QKI: variants seen among roughly 807,000 people sequenced by gnomAD.
QKI encodes QKI, KH domain containing RNA binding.
A neutral mutation model predicts 39.0 loss-of-function variants in QKI; 10 were observed. That is an observed-to-expected ratio of 0.26 (90% confidence interval 0.16 to 0.43). The LOEUF (loss-of-function observed/expected upper bound fraction) is 0.43, where lower values mean the gene tolerates loss of function less well. QKI is among the 20% of genes least tolerant of loss of function. The pLI, the probability that QKI is intolerant of heterozygous loss-of-function variation, is 1.00. For synonymous variants in QKI, 204 were observed against 155.4 expected, an observed-to-expected ratio of 1.31 and a Z score of -2.33; for missense variants, 218 against 428.0, an observed-to-expected ratio of 0.51 and a Z score of 4.33.
At chr6:163,536,306 G>A (rs1425271859) in intron 4 of QKI, among the ~76,000 whole-genome samples, 1 of 151,936 alleles carries the variant, frequency 6.6e-6, no homozygotes, top group African/African-American at 2.4e-5. Context: ...AAGTATACTG[G>A]GCAATTAGTG....
intron 4 of QKI, among the ~76,000 whole-genome samples, chr6:163,539,546 A>G (rs1413023763): frequency 6.6e-6 from 1 of 152,002 alleles, no homozygotes; most frequent in Non-Finnish European, 1.5e-5. Flanking sequence ...AGACCTTTCC[A>G]TTACCCCTAA....
intron 2 of QKI, among the ~76,000 whole-genome samples, chr6:163,465,846 A>C (rs1437743368): frequency 6.6e-6 from 1 of 151,914 alleles, no homozygotes; most frequent in Non-Finnish European, 1.5e-5. Context: ...TTAAGAGGTC[A>C]GGTATGGTGG....
chr6:163,564,287 G>A, intron 6 of QKI: 2 of 999,848 alleles, frequency 2.0e-6, no homozygotes, highest in Non-Finnish European at 1.2e-6. Context: ...ATCATTTGGT[G>A]TACATCATAG....
intron 4 of QKI, among the ~76,000 whole-genome samples, chr6:163,550,770 C>A (rs1583206299): frequency 1.3e-5 from 2 of 151,844 alleles, no homozygotes; most frequent in Non-Finnish European, 2.9e-5. Context: ...CACAGTGAAA[C>A]CCCATCTCTA....
intron 3 of QKI, among the ~76,000 whole-genome samples, chr6:163,521,352 T>G (rs924787603): frequency 7.2e-5 from 11 of 152,174 alleles, no homozygotes; most frequent in Non-Finnish European, 1.5e-4. Context: ...TTACAGATAT[T>G]TAAATGTGTT....
Position 163,455,404 on chromosome 6 carries a change from G to A in QKI, c.268G>A (p.Val90Ile), listed in dbSNP as rs1258003136. The change falls in exon 2 of 8, where the codon GTA (valine) becomes ATA (isoleucine). Residue 90 changes from valine to isoleucine, a missense_variant. Physicochemically the swap from Val to Ile is conservative, Grantham distance 29 (BLOSUM62 3). This residue lies in a region of QKI where 61 missense variants were observed against 193.3 expected (regional missense o/e 0.32). Coordinates refer to ENST00000361752, the MANE Select transcript of QKI (RefSeq NM_006775.3). Reference sequence around the variant, plus strand: ...GTTACAAGAGAAACTTTATGTGCCTGTAAAAGAATACCCAGATGTAAGTAT... The same window carrying A: ...GTTACAAGAGAAACTTTATGTGCCTATAAAAGAATACCCAGATGTAAGTAT... Reference protein sequence around the residue: ...VQLQEKLYVPVKEYPDFNFVG... With the variant: ...VQLQEKLYVPIKEYPDFNFVG... The A allele has an allele frequency of 2.5e-6, 4 of 1,611,708 alleles. No homozygotes were observed. In the African/African-American group the frequency reaches 5.3e-5, roughly 22 times the overall value.
At chr6:163,481,693 T>A (rs967837334) in intron 3 of QKI, among the ~76,000 whole-genome samples, 8 of 152,226 alleles carry the variant, frequency 5.3e-5, no homozygotes, top group Non-Finnish European at 1.2e-4. Flanking sequence ...TGTTATTATT[T>A]CAGCATTATT....
intron 1 of QKI, among the ~76,000 whole-genome samples, chr6:163,429,825 A>C (rs868291205): frequency 6.6e-6 from 1 of 152,190 alleles, no homozygotes; most frequent in African/African-American, 2.4e-5. Context: ...GTTGTATGCT[A>C]TTAATATGTG....
At chr6:163,520,057 C>G (rs898579397) in intron 3 of QKI, among the ~76,000 whole-genome samples, 11 of 152,084 alleles carry the variant, frequency 7.2e-5, no homozygotes, top group African/African-American at 2.4e-4. Flanking sequence ...TTATCAAAGA[C>G]TGAAGCAAAC....
intron 7 of QKI, chr6:163,569,207 A>G: frequency 4.2e-6 from 4 of 960,602 alleles, no homozygotes; most frequent in Non-Finnish European, 5.0e-6. Context: ...TTCCACTTTT[A>G]AGAAATTCAG....
rs1365593484 is a variant in QKI at position 163,571,410 on chromosome 6, A to G, written c.*700A>G. 2.6e-5 allele frequency: 4 copies of G among 152,236 alleles called. No individual in the cohort carries two copies. The highest frequency in any genetic ancestry group is 4.8e-5 in the African/African-American group (2 of 41,470). 9.4% of individuals were successfully genotyped at this position (152,236 alleles called of 1,614,324 possible). A position where few individuals can be genotyped will look rare whatever the true frequency, so the allele number is the denominator to read the frequency against. On this transcript the variant is annotated 3_prime_UTR_variant, in exon 8 of 8. Coordinates refer to ENST00000361752, the MANE Select transcript of QKI (RefSeq NM_006775.3). The stretch of plus-strand genomic sequence containing the variant: ...CTATTTTTAAAAAGATAAATATCTG[A>G]GTTAAAATTACTGAATCTTTATTTT...
intron 1 of QKI, among the ~76,000 whole-genome samples, chr6:163,435,209 T>G (rs1257739630): frequency 6.6e-6 from 1 of 152,232 alleles, no homozygotes; most frequent in Non-Finnish European, 1.5e-5. Context: ...TACAGGTTTT[T>G]CCTGTGAAGG....
intron 3 of QKI, among the ~76,000 whole-genome samples, chr6:163,533,126 A>G (rs2128240788): frequency 6.6e-6 from 1 of 151,940 alleles, no homozygotes; most frequent in Admixed American, 6.6e-5. Context: ...TAGCTTTTGT[A>G]GGTCTCTCTC....
chr6:163,563,801 G>A (rs1403441753), intron 6 of QKI, 82 bp downstream of exon 6: 2 of 1,523,710 alleles, frequency 1.3e-6, no homozygotes, highest in African/African-American at 2.8e-5. Flanking sequence ...GATTTTATCA[G>A]TTTTAGAGAG....
At chr6:163,488,369 A>G (rs1397402035) in intron 3 of QKI, among the ~76,000 whole-genome samples, 2 of 152,176 alleles carry the variant, frequency 1.3e-5, no homozygotes, top group Admixed American at 1.3e-4. Context: ...TAGTGCAGAG[A>G]TTATAGTCTG....
intron 3 of QKI, among the ~76,000 whole-genome samples, chr6:163,515,899 T>C (rs1486264744): frequency 6.6e-6 from 1 of 152,236 alleles, no homozygotes; most frequent in Non-Finnish European, 1.5e-5. Flanking sequence ...TTTTTATTTT[T>C]ATCTCAAATC....
intron 2 of QKI, among the ~76,000 whole-genome samples, chr6:163,473,617 A>G (rs970610309): frequency 2.0e-5 from 3 of 152,204 alleles, no homozygotes; most frequent in East Asian, 3.8e-4. Flanking sequence ...TAAATCAACA[A>G]ATTTGAAAAT....
At chr6:163,561,117 G>C (rs975135397) in intron 4 of QKI, among the ~76,000 whole-genome samples, 1 of 152,198 alleles carries the variant, frequency 6.6e-6, no homozygotes, top group Non-Finnish European at 1.5e-5. Context: ...TGGTGTAAGA[G>C]AGCAGAATAT....
intron 3 of QKI, among the ~76,000 whole-genome samples, chr6:163,483,731 A>G (rs1793258452): frequency 6.6e-6 from 1 of 152,156 alleles, no homozygotes; most frequent in Non-Finnish European, 1.5e-5. Flanking sequence ...GTCATCCTTG[A>G]GGGTTGGAAT....
Sources: allele counts gnomAD v4.1 joint callset (sites outside exome capture counted in the v4.1 genomes callset), GRCh38; gene constraint gnomAD v4.1.1; regional missense constraint gnomAD v4.1.1; transcripts MANE v1.5; gene names NCBI Gene and HGNC (gene_info 2026-07-23, HGNC 2026-07-21).